The following MEF2B variants were observed in gnomAD, a reference collection of about 807,000 sequenced individuals.
The protein encoded by MEF2B is myocyte enhancer factor 2B, also known as myocyte-specific enhancer factor 2B.
In MEF2B, 15 loss-of-function variants were observed where a neutral mutation model predicts 32.2. The observed-to-expected ratio is 0.47, with a 90% CI of 0.31 to 0.72. The LOEUF (loss-of-function observed/expected upper bound fraction) is 0.72, where lower values mean the gene tolerates loss of function less well. Ranked by LOEUF, MEF2B falls within the 30% of genes least tolerant of loss-of-function variation. MEF2B has a pLI of 0.05. For missense variants in MEF2B, 441 were observed against 511.5 expected, an observed-to-expected ratio of 0.86 and a Z score of 1.33; for synonymous variants, 205 against 225.6, an observed-to-expected ratio of 0.91 and a Z score of 0.82.
intron 1 of MEF2B, among the ~76,000 whole-genome samples, chr19:19,168,790 C>T (rs541156165): frequency 1.2e-4 from 18 of 151,516 alleles, no homozygotes; most frequent in African/African-American, 2.9e-4. Flanking sequence ...TGGCCAGATG[C>T]GGTGGCTTAC....
In MEF2B at chr19:19,147,207, C is replaced by T. The variant is rs1197628996; in HGVS notation, c.394-24G>A. ...GGCTGTGGGTAGAGAAGGGATGGGT[C>T]AGAGGACCCCAGGCCAGATGGGGGT... On this transcript the variant is annotated intron_variant, in intron 4 of 8. Transcript: ENST00000424583. 4 of 1,364,394 alleles carry T rather than the reference C, an allele frequency of 2.9e-6. 1 individual carries two copies. Among genetic ancestry groups the T allele is most frequent in the Non-Finnish European group, 3.9e-6 (4 of 1,018,800 alleles). 84.5% of individuals were successfully genotyped at this position (1,364,394 alleles called of 1,614,324 possible).
At chr19:19,170,135 C>T in intron 1 of MEF2B, 70 bp downstream of exon 1, 1 of 398,386 alleles carries the variant, frequency 2.5e-6, no homozygotes. Context: ...CCCGGACCTC[C>T]AAAACCCACC....
Position 19,146,824 on chromosome 19 carries a change from G to C in MEF2B, c.593C>G (p.Pro198Arg), listed in dbSNP as rs777035824. ...CCCTTCCGTCGGCAGGTACAGTGGGGGTGGTGTCTTGCTGGTGAGGTGGCT... is the reference window on the plus strand; with the variant it reads ...CCCTTCCGTCGGCAGGTACAGTGGGCGTGGTGTCTTGCTGGTGAGGTGGCT... ...SPSHLTSKTP[P>R]PLYLPTEGRR... Residue 198 changes from proline to arginine, a missense_variant, in exon 6 of 9, where the codon CCC becomes CGC. Coordinates refer to ENST00000424583, the MANE Select transcript of MEF2B (RefSeq NM_001145785.2). 1 of 1,613,914 alleles carries C rather than the reference G, an allele frequency of 6.2e-7. No individual in the cohort carries two copies. The highest frequency in any genetic ancestry group is 8.5e-7 in the Non-Finnish European group (1 of 1,179,922).
chr19:19,155,309 A>C (rs1455757672), intron 1 of MEF2B, among the ~76,000 whole-genome samples: 3 of 151,986 alleles, frequency 2.0e-5, no homozygotes, highest in African/African-American at 7.3e-5. Context: ...TCCTATCCAA[A>C]CGTCAAAACC....
chr19:19,147,580 A>C (rs1599719035), intron 4 of MEF2B, 118 bp downstream of exon 4: 1 of 1,538,208 alleles, frequency 6.5e-7, no homozygotes, highest in Non-Finnish European at 8.7e-7. Context: ...CCAGGTAGAG[A>C]CCTGCCTCCA....
intron 1 of MEF2B, among the ~76,000 whole-genome samples, chr19:19,152,446 C>T (rs973416938): frequency 6.6e-6 from 1 of 151,740 alleles, no homozygotes; most frequent in Non-Finnish European, 1.5e-5. Context: ...TAGCTCATGC[C>T]TGTAATCCCA....
chr19:19,145,787 G>A lies in MEF2B; in HGVS notation c.*10C>T, dbSNP rs757673336. On this transcript the variant is annotated 3_prime_UTR_variant, in exon 9 of 9. Coordinates refer to ENST00000424583, the MANE Select transcript of MEF2B (RefSeq NM_001145785.2). This position sits in a 1 kb window ranked among gnomAD's most constrained non-coding sequence, Gnocchi z 4.6. ...GCGAGCGCTCTGGGCTGGTGCCACC[G>A]GGTGATCTCCTACCGGGGCCAGCCG... is the stretch of plus-strand genomic sequence containing the variant. 9.9e-5 allele frequency: 153 copies of A among 1,548,508 alleles called. No individual in the cohort carries two copies. The highest frequency in any genetic ancestry group is 2.7e-4 in the African/African-American group (20 of 73,226).
chr19:19,158,385 G>A (rs1188984919), intron 1 of MEF2B, among the ~76,000 whole-genome samples: 5 of 64,726 alleles, frequency 7.7e-5, no homozygotes, highest in Non-Finnish European at 1.3e-4. Flanking sequence ...GGGCGCCCCC[G>A]GCCCAAAAGG....
At position 19,146,485 on chromosome 19, in the gene MEF2B, G is replaced by C. The variant is rs1272487080; in HGVS notation, c.769+70C>G. 2.8e-6 allele frequency: 4 copies of C among 1,417,506 alleles called. No individual in the cohort carries two copies. In the East Asian group the frequency reaches 7.6e-5, roughly 27 times the overall value. 87.8% of individuals were successfully genotyped at this position (1,417,506 alleles called of 1,614,324 possible). On this transcript the variant is annotated intron_variant, in intron 7 of 8. Coordinates refer to ENST00000424583, the MANE Select transcript of MEF2B (RefSeq NM_001145785.2). ...AGTTTTGAGTTCTGGTGGGTGGGAG[G>C]GTGTGGAACCCCCAGAGGGCAGGAG...
Position 19,146,761 on chromosome 19 carries a change from C to G in MEF2B, c.656G>C (p.Arg219Pro). The change falls in exon 6 of 9, where the codon CGA becomes CCA. Residue 219 changes from arginine (R) to proline (P), a missense_variant. This residue lies in a region of MEF2B where 326 missense variants were observed against 328.4 expected (regional missense o/e 0.99). Coordinates refer to ENST00000424583, the MANE Select transcript of MEF2B (RefSeq NM_001145785.2). ...SDLPGGLAGP[R>P]GGLNTSRSLY... The stretch of plus-strand genomic sequence containing the variant: ...ACTCACGGAGGTGTTTAGTCCCCCT[C>G]GGGGCCCAGCCAGGCCACCAGGCAG... 5 of 1,614,044 alleles carry G rather than the reference C, an allele frequency of 3.1e-6. No homozygotes were observed. Among genetic ancestry groups the G allele is most frequent in the Non-Finnish European group, 4.2e-6 (5 of 1,179,962 alleles).
At position 19,146,609 on chromosome 19, in the gene MEF2B, C is replaced by T. The variant is rs1392894966; in HGVS notation, c.715G>A (p.Ala239Thr). 1.9e-6 allele frequency: 3 copies of T among 1,608,988 alleles called. No individual in the cohort carries two copies. Among genetic ancestry groups the T allele is most frequent in the Non-Finnish European group, 2.5e-6 (3 of 1,177,946 alleles). Residue 239 changes from alanine to threonine, a missense_variant, in exon 7 of 9, where the codon GCA becomes ACA. Around this residue, in one of 2 missense-constraint regions of MEF2B, gnomAD observed 326 missense variants for 328.4 expected, o/e 0.99. Transcript: ENST00000424583. ...YSGLQNPCST[A>T]TPGPPLGSFP... ...CTCCCCAGTGGGGGTCCGGGAGTTG[C>T]AGTGGAGCAGGGGTTCTGCAGGCCA...
chr19:19,168,809 T>A (rs2060230203), intron 1 of MEF2B, among the ~76,000 whole-genome samples: 1 of 152,024 alleles, frequency 6.6e-6, no homozygotes, highest in Non-Finnish European at 1.5e-5. Flanking sequence ...ACTCTTGTAA[T>A]CCTAGCACTT....
chr19:19,146,951 T>C (rs2060031765), intron 5 of MEF2B, 76 bp from the exon 6 acceptor site: 1 of 1,570,796 alleles, frequency 6.4e-7, no homozygotes, highest in Non-Finnish European at 8.6e-7. Context: ...TTAGAGGTGA[T>C]GCACGCAGCC....
Position 19,151,898 on chromosome 19 carries a change from A to T in MEF2B, c.-29-1134T>A, listed in dbSNP as rs1271630770. Among the ~76,000 whole-genome samples the T allele has an allele frequency of 4.0e-5, 6 of 151,650 alleles. No individual in the cohort carries two copies. In the East Asian group the frequency reaches 1.2e-3, roughly 30 times the overall value. ...AGCACTTTGGGAGGCCGAGGCAGGC[A>T]GATCACTTGAGATCAGGAGTTCGAG... On this transcript the variant is annotated intron_variant, in intron 1 of 8. Transcript: ENST00000424583.
chr19:19,146,157 CA>C, intron 8 of MEF2B, 115 bp downstream of exon 8: 1 of 890,250 alleles, frequency 1.1e-6, no homozygotes, highest in Non-Finnish European at 1.6e-6. Flanking sequence ...CTTGGGGCCT[CA>C]AAATAGCTGC....
At chr19:19,166,597 T>TAA (rs56322437) in intron 1 of MEF2B, among the ~76,000 whole-genome samples, 68,710 of 129,792 alleles carry the variant, frequency 0.53, 17,598 homozygotes, top group East Asian at 0.61. Flanking sequence ...CATCTCCAAT[T>TAA]AAAAAAAAAA....
intron 2 of MEF2B, 47 bp from the exon 3 acceptor site, chr19:19,149,476 A>T: frequency 6.2e-7 from 1 of 1,610,800 alleles, no homozygotes; most frequent in Non-Finnish European, 8.5e-7. Flanking sequence ...AGAAGAGATG[A>T]ATGTGGGGTG....
chr19:19,147,869 C>A (rs1377207292), intron 3 of MEF2B, 37 bp from the exon 4 acceptor site: 1 of 1,590,692 alleles, frequency 6.3e-7, no homozygotes, highest in Non-Finnish European at 8.6e-7. Context: ...GACCCTTACC[C>A]CTACCCCACC....
chr19:19,152,330 G>A (rs1230947454), intron 1 of MEF2B, among the ~76,000 whole-genome samples: 3 of 147,752 alleles, frequency 2.0e-5, no homozygotes, highest in Non-Finnish European at 4.4e-5. Context: ...GGAGGCTGAG[G>A]CAGGTGTGTC....
Sources: gnomAD v4.1 joint callset for allele counts (sites outside exome capture counted in the v4.1 genomes callset) on GRCh38, gnomAD v4.1.1 for gene constraint, gnomAD v4.1.1 regional missense constraint, Gnocchi (gnomAD v3.1) non-coding constraint, MANE v1.5 for transcripts, NCBI Gene and HGNC (gene_info 2026-07-23, HGNC 2026-07-21) for gene names.